Variants in SLC25A21 observed in about 807,000 individuals in gnomAD.
SLC25A21 encodes solute carrier family 25 member 21, also known as mitochondrial 2-oxodicarboxylate carrier.
A neutral mutation model predicts 43.8 loss-of-function variants in SLC25A21; 47 were observed. That is an observed-to-expected ratio of 1.07 (90% CI 0.85 to 1.37). SLC25A21 has a LOEUF of 1.37. Ranked by LOEUF, SLC25A21 falls within the 40% of genes most tolerant of loss-of-function variation. The probability of loss-of-function intolerance (pLI) is 0.00; values close to 1 mark genes in which losing one functional copy is unlikely to be tolerated. For missense variants in SLC25A21, 352 were observed against 350.2 expected, an observed-to-expected ratio of 1.00 and a Z score of -0.04; for synonymous variants, 131 against 121.3, an observed-to-expected ratio of 1.08 and a Z score of -0.52.
At chr14:37,000,946 T>G (rs118083640) in intron 1 of SLC25A21, among the ~76,000 whole-genome samples, 14,638 of 152,164 alleles carry the variant, frequency 0.096, 741 homozygotes, top group Admixed American at 0.12. Context: ...CTTTTCTTCA[T>G]AAATTAGCCA....
At chr14:36,998,233 G>C (rs900833635) in intron 1 of SLC25A21, among the ~76,000 whole-genome samples, 1 of 152,152 alleles carries the variant, frequency 6.6e-6, no homozygotes, top group Non-Finnish European at 1.5e-5. Context: ...TTCACAGTGA[G>C]GGATATAGAA....
chr14:37,079,449 C>T (rs762035259), intron 1 of SLC25A21, among the ~76,000 whole-genome samples: 1 of 151,980 alleles, frequency 6.6e-6, no homozygotes, highest in African/African-American at 2.4e-5. Context: ...TTATAAATAA[C>T]CAAGTTCTGT....
Position 36,847,571 on chromosome 14 carries a change from A to C in SLC25A21, c.119+27385T>G, listed in dbSNP as rs149134809. 6.2e-3 allele frequency among the ~76,000 whole-genome samples: 938 copies of C among 152,282 alleles called. 5 individuals carry two copies. The highest frequency in any genetic ancestry group is 0.021 in the African/African-American group (859 of 41,544). ...CTGGGAGAGCCAGGCAGAGGAGGTG[A>C]TATCTGAGGAGCGTTGAAAGATGAG... On this transcript the variant is annotated intron_variant, in intron 2 of 9. Transcript: ENST00000331299.
intron 7 of SLC25A21, among the ~76,000 whole-genome samples, chr14:36,689,605 A>G (rs961307106): frequency 6.6e-6 from 1 of 152,190 alleles, no homozygotes; most frequent in Non-Finnish European, 1.5e-5. Context: ...TGATTTCCAC[A>G]CACATTCCTG....
At chr14:37,162,191 A>T (rs2031629315) in intron 1 of SLC25A21, among the ~76,000 whole-genome samples, 1 of 152,018 alleles carries the variant, frequency 6.6e-6, no homozygotes, top group African/African-American at 2.4e-5. Context: ...AAATTTCTGA[A>T]AATTTTCTCC....
At chr14:36,915,790 A>G (rs1400287307) in intron 1 of SLC25A21, among the ~76,000 whole-genome samples, 1 of 152,184 alleles carries the variant, frequency 6.6e-6, no homozygotes, top group Non-Finnish European at 1.5e-5. Context: ...ATTACACGCT[A>G]TATGATGGCT....
At chr14:37,069,015 A>G (rs1393336792) in intron 1 of SLC25A21, among the ~76,000 whole-genome samples, 2 of 134,726 alleles carry the variant, frequency 1.5e-5, no homozygotes, top group Non-Finnish European at 2.9e-5. Flanking sequence ...TCTACTAAAA[A>G]TACAAAAAAA....
rs575221000 is a variant in SLC25A21, at chr14:37,129,714, A to G, written c.70+42567T>C. The stretch of plus-strand genomic sequence containing the variant: ...AGTCCACCCAGGAGGCAGACAATCA[A>G]TATTCCATTGGGTGCCTATAGCCCT... On this transcript the variant is annotated intron_variant, in intron 1 of 9. Coordinates refer to ENST00000331299, the MANE Select transcript of SLC25A21 (RefSeq NM_030631.4). 1.1e-4 allele frequency among the ~76,000 whole-genome samples: 16 copies of G among 151,852 alleles called. No homozygotes were observed. The South Asian group carries it at 2.9e-3, about 28-fold the overall frequency.
intron 1 of SLC25A21, among the ~76,000 whole-genome samples, chr14:36,975,791 G>A (rs1311774877): frequency 6.6e-6 from 1 of 152,180 alleles, no homozygotes; most frequent in Non-Finnish European, 1.5e-5. Context: ...TAGGAAACCT[G>A]AGGACCATAG....
At chr14:36,822,209 C>T (rs1022365457) in intron 2 of SLC25A21, among the ~76,000 whole-genome samples, 6 of 152,212 alleles carry the variant, frequency 3.9e-5, no homozygotes, top group Non-Finnish European at 8.8e-5. Context: ...ACATTCTAGG[C>T]CTGGCATCAA....
intron 1 of SLC25A21, among the ~76,000 whole-genome samples, chr14:37,041,290 T>C (rs1268862000): frequency 6.6e-6 from 1 of 152,154 alleles, no homozygotes; most frequent in Non-Finnish European, 1.5e-5. Flanking sequence ...TATTTGCATA[T>C]TTGAACTTAA....
chr14:36,995,209 C>T (rs916105870), intron 1 of SLC25A21, among the ~76,000 whole-genome samples: 6 of 152,114 alleles, frequency 3.9e-5, no homozygotes, highest in South Asian at 4.1e-4. Flanking sequence ...CAAAATGTCA[C>T]GCTACAAAAA....
chr14:36,680,715 A>C lies in SLC25A21; in HGVS notation c.843T>G (p.Gly281=). 6.2e-7 allele frequency: 1 copy of C among 1,612,568 alleles called. No individual in the cohort carries two copies. The highest frequency in any genetic ancestry group is 8.5e-7 in the Non-Finnish European group (1 of 1,179,456). The change falls in exon 10 of 10, where the codon GGT becomes GGG. Residue 281 remains glycine, a synonymous_variant. Transcript: ENST00000331299. The part of the protein sequence containing the change: ...LPKIMRLGPG[G]AVMLLVYEYT... ...ATTCATAAACCAGCAGCATCACTGC[A>C]CCACCTAGAAAAGAAAAGAGCTGTT...
At chr14:36,982,093 G>A (rs1206154843) in intron 1 of SLC25A21, among the ~76,000 whole-genome samples, 9 of 152,078 alleles carry the variant, frequency 5.9e-5, no homozygotes, top group South Asian at 2.1e-4. Context: ...GCAAAACATG[G>A]AGAGTATCTA....
intron 1 of SLC25A21, among the ~76,000 whole-genome samples, chr14:37,067,492 TAA>T (rs1235862708): frequency 6.6e-6 from 1 of 152,004 alleles, no homozygotes; most frequent in East Asian, 1.9e-4. Flanking sequence ...TTCAGACAAA[TAA>T]AGAGATTTTT....
At chr14:36,842,982 T>C (rs942932790) in intron 2 of SLC25A21, among the ~76,000 whole-genome samples, 44 of 152,106 alleles carry the variant, frequency 2.9e-4, no homozygotes, top group Non-Finnish European at 5.6e-4. Flanking sequence ...AAGCATTAGT[T>C]AGAGTCTCAT....
chr14:36,836,569 G>A (rs115247476), intron 2 of SLC25A21, among the ~76,000 whole-genome samples: 107 of 152,274 alleles, frequency 7.0e-4, no homozygotes, highest in African/African-American at 2.4e-3. Flanking sequence ...TGTAACAAAG[G>A]TGGATGGATG....
chr14:37,080,588 A>C (rs941067372), intron 1 of SLC25A21, among the ~76,000 whole-genome samples: 4 of 152,252 alleles, frequency 2.6e-5, no homozygotes, highest in African/African-American at 7.2e-5. Flanking sequence ...TGACAGAGCA[A>C]GACCCTGCCT....
At chr14:36,868,248 T>C (rs1000297891) in intron 2 of SLC25A21, among the ~76,000 whole-genome samples, 10 of 152,170 alleles carry the variant, frequency 6.6e-5, no homozygotes, top group Admixed American at 1.3e-4. Flanking sequence ...TTTGTAGCCA[T>C]AGGTTCTTAA....
Sources: gnomAD v4.1 joint callset for allele counts (sites outside exome capture counted in the v4.1 genomes callset) on GRCh38, gnomAD v4.1.1 for gene constraint, MANE v1.5 for transcripts, NCBI Gene and HGNC (gene_info 2026-07-23, HGNC 2026-07-21) for gene names.